The following LRRC74B variants were observed in gnomAD, a reference collection of about 807,000 sequenced individuals.
The protein encoded by LRRC74B is leucine-rich repeat-containing protein 74B.
In LRRC74B, 30 loss-of-function variants were observed where a neutral mutation model predicts 16.6. The observed-to-expected ratio is 1.80, with a 90% CI of 1.35 to 2.45. The LOEUF is 2.45. Ranked by LOEUF, LRRC74B falls within the 30% of genes most tolerant of loss-of-function variation. The pLI is 0.00. For synonymous variants in LRRC74B, 134 were observed against 86.0 expected (o/e 1.56, Z -3.09); for missense variants, 326 against 202.4 (o/e 1.61, Z -3.71).
At chr22:21,056,366 G>A (rs1262312248) in intron 7 of LRRC74B, among the ~76,000 whole-genome samples, 1 of 152,044 alleles carries the variant, frequency 6.6e-6, no homozygotes, top group African/African-American at 2.4e-5. Context: ...GCCAGATGTG[G>A]TGATGCACAC....
At chr22:21,059,608 T>C (rs1601824417) in intron 8 of LRRC74B, among the ~76,000 whole-genome samples, 2 of 152,248 alleles carry the variant, frequency 1.3e-5, no homozygotes, top group African/African-American at 4.8e-5. Flanking sequence ...TTAGCCTGAA[T>C]TGAATATTCT....
At chr22:21,056,898 C>T (rs1262831320) in intron 7 of LRRC74B, 10 of 575,258 alleles carry the variant, frequency 1.7e-5, no homozygotes, top group Admixed American at 6.2e-5. Context: ...CTATATCAAT[C>T]GGAGGCCTCT....
At chr22:21,057,392 G>T (rs1219494811) in intron 8 of LRRC74B, among the ~76,000 whole-genome samples, 192 bp downstream of exon 8, 2 of 152,196 alleles carry the variant, frequency 1.3e-5, no homozygotes, top group Non-Finnish European at 2.9e-5. Context: ...CCAGACTGCT[G>T]GTTCCACGGG....
intron 6 of LRRC74B, 61 bp from the exon 7 acceptor site, chr22:21,055,037 T>C: frequency 1.4e-6 from 1 of 704,764 alleles, no homozygotes; most frequent in Non-Finnish European, 2.6e-6. Context: ...CCTGGGGCAG[T>C]GGGCTCTGCA....
chr22:21,054,974 G>T, intron 6 of LRRC74B, 124 bp from the exon 7 acceptor site: 1 of 649,058 alleles, frequency 1.5e-6, no homozygotes. Flanking sequence ...GGGTGTGAGT[G>T]GAGGGAACAA....
chr22:21,061,473 T>C (rs2148167933), downstream of LRRC74B, among the ~76,000 whole-genome samples: 1 of 152,336 alleles, frequency 6.6e-6, no homozygotes, highest in Admixed American at 6.5e-5. Flanking sequence ...ATACACATGA[T>C]TAATGTTCAG....
intron 6 of LRRC74B, among the ~76,000 whole-genome samples, chr22:21,054,613 G>T (rs147193579): frequency 3.9e-5 from 6 of 152,342 alleles, no homozygotes; most frequent in South Asian, 2.1e-4. Context: ...GGAGGCAGCC[G>T]CGGAGGCTGA....
chr22:21,055,041 C>A, intron 6 of LRRC74B, 57 bp from the exon 7 acceptor site: 1 of 708,340 alleles, frequency 1.4e-6, no homozygotes. Flanking sequence ...GGGCAGTGGG[C>A]TCTGCACCGC....
chr22:21,056,553 A>C (rs1459013919), intron 7 of LRRC74B: 1 of 149,918 alleles, frequency 6.7e-6, no homozygotes, highest in Non-Finnish European at 1.5e-5. Context: ...GGGCTCTGCC[A>C]GCCCCTCTCT....
intron 4 of LRRC74B, 117 bp from the exon 5 acceptor site, chr22:21,052,132 A>T: frequency 6.0e-6 from 4 of 671,854 alleles, no homozygotes; most frequent in Non-Finnish European, 1.1e-5. Flanking sequence ...GGCCCACATT[A>T]GTTTCATGTC....
intron 7 of LRRC74B, among the ~76,000 whole-genome samples, chr22:21,056,147 G>A (rs954862416): frequency 1.8e-4 from 27 of 152,280 alleles, no homozygotes; most frequent in Middle Eastern, 6.8e-3. Context: ...CCAGAAACAT[G>A]CCCTGCTTTA....
downstream of LRRC74B, among the ~76,000 whole-genome samples, chr22:21,061,053 C>T (rs189039427): frequency 3.5e-4 from 53 of 152,268 alleles, no homozygotes; most frequent in East Asian, 3.3e-3. Flanking sequence ...TGGGGCCGGA[C>T]GCGGTGGCTC....
At chr22:21,057,259 A>G in intron 8 of LRRC74B, 59 bp downstream of exon 8, 1 of 617,258 alleles carries the variant, frequency 1.6e-6, no homozygotes. Flanking sequence ...GAGGTATCAT[A>G]ATTTTAGAAG....
chr22:21,055,311 C>T, intron 7 of LRRC74B, 135 bp downstream of exon 7: 1 of 613,240 alleles, frequency 1.6e-6, no homozygotes, highest in Admixed American at 2.5e-5. Context: ...TTGCCACTCA[C>T]CCTGAATCTG....
At chr22:21,062,712 C>CAAAAAAA (rs71188206), downstream of LRRC74B, 1 of 60,860 alleles carries the variant, frequency 1.6e-5, no homozygotes, top group Non-Finnish European at 3.0e-5. Context: ...GACTCGGTCT[C>CAAAAAAA]AAAAAAAAAA....
chr22:21,059,673 C>A (rs1569202362), intron 8 of LRRC74B, among the ~76,000 whole-genome samples: 1 of 152,106 alleles, frequency 6.6e-6, no homozygotes, highest in Non-Finnish European at 1.5e-5. Context: ...TCTGACTAGC[C>A]CAGATTTTAT....
intron 1 of LRRC74B, among the ~76,000 whole-genome samples, chr22:21,046,605 C>T (rs917765980): frequency 3.9e-5 from 6 of 151,934 alleles, no homozygotes; most frequent in African/African-American, 1.4e-4. Flanking sequence ...TGCTTGGGCT[C>T]ATATTTATTA....
chr22:21,045,993 G>C (rs12170538), exon 1 of LRRC74B: 46,013 of 717,430 alleles, frequency 0.064, 1,823 homozygotes, highest in Non-Finnish European at 0.08. Context: ...AACCATGAGG[G>C]GTTCCTGTGA....
intron 3 of LRRC74B, 106 bp from the exon 4 acceptor site, chr22:21,048,845 G>C: frequency 1.5e-6 from 1 of 653,062 alleles, no homozygotes; most frequent in Non-Finnish European, 2.9e-6. Flanking sequence ...CAGTTAACCT[G>C]TAAGTCCCCT....
Sources: allele counts gnomAD v4.1 joint callset (sites outside exome capture counted in the v4.1 genomes callset), GRCh38; gene constraint gnomAD v4.1.1; transcripts MANE v1.5; gene names NCBI Gene and HGNC (gene_info 2026-07-23, HGNC 2026-07-21).